WASF2: variants seen among roughly 807,000 people sequenced by gnomAD.
WASF2 encodes actin-binding protein WASF2.
In WASF2, 14 loss-of-function variants were observed where a neutral mutation model predicts 45.0. The ratio of observed to expected loss-of-function variants is 0.31; its 90% confidence interval spans 0.21 to 0.49. WASF2 has a LOEUF of 0.49. WASF2 is among the 20% of genes least tolerant of loss of function. The pLI is 0.99. For missense variants in WASF2, 439 were observed against 636.1 expected, an observed-to-expected ratio of 0.69 and a Z score of 3.33; for synonymous variants, 200 against 236.3, an observed-to-expected ratio of 0.85 and a Z score of 1.41.
chr1:27,479,456 A>AAT (rs2017816074), intron 1 of WASF2, among the ~76,000 whole-genome samples: 1 of 152,222 alleles, frequency 6.6e-6, no homozygotes, highest in Non-Finnish European at 1.5e-5. Flanking sequence ...ATAATTTTAA[A>AAT]ATAAATATAA....
intron 1 of WASF2, among the ~76,000 whole-genome samples, chr1:27,482,664 A>G (rs564009224): frequency 6.6e-6 from 1 of 152,354 alleles, no homozygotes; most frequent in East Asian, 1.9e-4. Context: ...TTTAAACCAA[A>G]TAAAATAAAA....
intron 7 of WASF2, among the ~76,000 whole-genome samples, chr1:27,411,384 G>A (rs1192037567): frequency 3.3e-5 from 5 of 152,172 alleles, no homozygotes; most frequent in Non-Finnish European, 4.4e-5. Context: ...CAAAATGGAC[G>A]AATTTGGAGT....
intron 1 of WASF2, among the ~76,000 whole-genome samples, chr1:27,475,222 G>C (rs1010215559): frequency 1.3e-5 from 2 of 152,202 alleles, no homozygotes; most frequent in Non-Finnish European, 2.9e-5. Context: ...TGTGCCACTA[G>C]CCTGGGCAAC....
At chr1:27,474,283 AT>A (rs1332392277) in intron 1 of WASF2, among the ~76,000 whole-genome samples, 2 of 151,970 alleles carry the variant, frequency 1.3e-5, no homozygotes, top group Non-Finnish European at 2.9e-5. Context: ...TTTTTTTTAA[AT>A]CTTCAAGCAC....
rs1019672224 is a variant in WASF2, at chr1:27,478,098, G to A, written c.-44+11888C>T. Among the ~76,000 whole-genome samples, 11 of 147,144 alleles carry A rather than the reference G, an allele frequency of 7.5e-5. No individual in the cohort carries two copies. In the Admixed American group the frequency reaches 7.5e-4, roughly 10 times the overall value. On this transcript the variant is annotated intron_variant, in intron 1 of 8. Coordinates refer to ENST00000618852, the MANE Select transcript of WASF2 (RefSeq NM_006990.5). ...GAAACCCCCGTCTCTACTAAAAAGA[G>A]ACTTGGGAGGCTGAGGCAGAAGAAC...
intron 1 of WASF2, among the ~76,000 whole-genome samples, chr1:27,463,519 A>G (rs1029765993): frequency 4.1e-5 from 6 of 147,724 alleles, no homozygotes; most frequent in African/African-American, 1.5e-4. Flanking sequence ...GCTACTCAGG[A>G]GGCTGAGGCA....
intron 1 of WASF2, among the ~76,000 whole-genome samples, chr1:27,451,932 G>C (rs950006296): frequency 3.9e-5 from 6 of 152,120 alleles, no homozygotes; most frequent in African/African-American, 1.4e-4. Flanking sequence ...ATTAAGAACA[G>C]TAATAGAACA....
At chr1:27,433,694 T>C (rs184487388) in intron 1 of WASF2, among the ~76,000 whole-genome samples, 1 of 152,254 alleles carries the variant, frequency 6.6e-6, no homozygotes, top group Admixed American at 6.5e-5. Flanking sequence ...ACTGAGAAAC[T>C]AGACAGGTGG....
At chr1:27,468,470 G>A (rs1399277995) in intron 1 of WASF2, among the ~76,000 whole-genome samples, 5 of 151,276 alleles carry the variant, frequency 3.3e-5, no homozygotes, top group Admixed American at 6.6e-5. Flanking sequence ...GTGAAATCCC[G>A]TCTCTACTAA....
At chr1:27,428,543 G>T (rs1407568050) in intron 2 of WASF2, among the ~76,000 whole-genome samples, 1 of 152,182 alleles carries the variant, frequency 6.6e-6, no homozygotes, top group East Asian at 1.9e-4. Flanking sequence ...GAGGGGGAGG[G>T]AGGAGGGAAC....
Position 27,414,906 on chromosome 1 carries a change from G to A in WASF2, c.595C>T (p.Arg199Cys), listed in dbSNP as rs1172168942. The part of the protein sequence containing the change: ...GNVNPRKIKT[R>C]KEEWEKMKMG... ...TTCATTTTCTCCCACTCTTCCTTAC[G>A]TGTCTTGATTTTACGTGGGTTTACA... Residue 199 changes from arginine to cysteine, a missense_variant, in exon 6 of 9, where the codon CGT becomes TGT. This residue lies in a region of WASF2 where 23 missense variants were observed against 69.7 expected (regional missense o/e 0.33). Transcript: ENST00000618852. This position sits in a 1 kb window ranked among gnomAD's most constrained non-coding sequence, Gnocchi z 4.1. The A allele has an allele frequency of 2.5e-6, 4 of 1,613,900 alleles. No homozygotes were observed. The highest frequency in any genetic ancestry group is 1.3e-5 in the African/African-American group (1 of 74,842).
chr1:27,484,051 C>T (rs2017890497), intron 1 of WASF2, among the ~76,000 whole-genome samples: 1 of 152,088 alleles, frequency 6.6e-6, no homozygotes, highest in South Asian at 2.1e-4. Context: ...CTTTGTATCT[C>T]CAAAACAGTG....
chr1:27,484,608 C>A (rs981670414), intron 1 of WASF2, among the ~76,000 whole-genome samples: 23 of 151,808 alleles, frequency 1.5e-4, no homozygotes, highest in African/African-American at 5.1e-4. Context: ...GAAATCAAGA[C>A]CATCCTGGCT....
intron 1 of WASF2, among the ~76,000 whole-genome samples, chr1:27,476,696 C>T (rs888531801): frequency 6.6e-6 from 1 of 152,150 alleles, no homozygotes; most frequent in Non-Finnish European, 1.5e-5. Flanking sequence ...GTGACACAGT[C>T]CCTTCTCTAA....
chr1:27,418,868 T>A, intron 3 of WASF2, 86 bp downstream of exon 3: 1 of 525,582 alleles, frequency 1.9e-6, no homozygotes, highest in Non-Finnish European at 2.7e-6. Context: ...TCTCCTCACG[T>A]TTTTTTTTTT....
intron 1 of WASF2, among the ~76,000 whole-genome samples, chr1:27,489,725 G>A (rs932165997): frequency 2.0e-5 from 3 of 152,170 alleles, no homozygotes; most frequent in Non-Finnish European, 4.4e-5. Flanking sequence ...GCAGAACCAG[G>A]TCAGGCCGGG....
chr1:27,422,736 TA>T (rs1298854888), intron 2 of WASF2, among the ~76,000 whole-genome samples: 1 of 151,982 alleles, frequency 6.6e-6, no homozygotes, highest in East Asian at 1.9e-4. Context: ...AAAGTGGGGA[TA>T]ATATCTACCC....
chr1:27,418,197 C>T (rs757421776), intron 4 of WASF2, 72 bp downstream of exon 4: 48 of 1,497,116 alleles, frequency 3.2e-5, no homozygotes, highest in South Asian at 1.5e-4. Flanking sequence ...TGGAAACAAC[C>T]GCTTCAGACA....
intron 1 of WASF2, among the ~76,000 whole-genome samples, chr1:27,478,076 AC>A (rs1177723048): frequency 6.2e-4 from 93 of 148,916 alleles, no homozygotes; most frequent in Non-Finnish European, 1.2e-3. Flanking sequence ...ACATGGTGAA[AC>A]CCCCGTCTCT....
Sources: allele counts gnomAD v4.1 joint callset (sites outside exome capture counted in the v4.1 genomes callset), GRCh38; gene constraint gnomAD v4.1.1; regional missense constraint gnomAD v4.1.1; non-coding constraint Gnocchi (gnomAD v3.1); transcripts MANE v1.5; gene names NCBI Gene and HGNC (gene_info 2026-07-23, HGNC 2026-07-21).